Variants in LIMK2 observed in about 807,000 individuals in gnomAD.
LIMK2 encodes LIM domain kinase 2.
LIMK2 carries 35 observed loss-of-function variants against 75.7 expected under a neutral mutation model. The ratio of observed to expected loss-of-function variants is 0.46; its 90% CI spans 0.35 to 0.61. The LOEUF (loss-of-function observed/expected upper bound fraction) is 0.61, where lower values mean the gene tolerates loss of function less well. Among genes scored for constraint, LIMK2 ranks in the 20% least tolerant of loss-of-function variants. The probability of loss-of-function intolerance (pLI) is 0.00; values close to 1 mark genes in which losing one functional copy is unlikely to be tolerated. For missense variants in LIMK2, 623 were observed against 831.0 expected (o/e 0.75, Z 3.08); for synonymous variants, 301 against 319.2 (o/e 0.94, Z 0.61).
intron 1 of LIMK2, among the ~76,000 whole-genome samples, chr22:31,225,003 G>A (rs1388054375): frequency 6.6e-6 from 1 of 152,196 alleles, no homozygotes; most frequent in Non-Finnish European, 1.5e-5. Flanking sequence ...ATTCTCATAG[G>A]AGTGTGAACC....
At chr22:31,246,179 GCA>G (rs1341395963) in intron 2 of LIMK2, among the ~76,000 whole-genome samples, 2 of 69,774 alleles carry the variant, frequency 2.9e-5, no homozygotes, top group Non-Finnish European at 6.2e-5. Context: ...ACACACGCAC[GCA>G]CGCACACACA....
At chr22:31,241,205 T>C (rs868351700) in intron 2 of LIMK2, among the ~76,000 whole-genome samples, 59 of 152,260 alleles carry the variant, frequency 3.9e-4, no homozygotes, top group Admixed American at 1.4e-3. Flanking sequence ...CTGCTATTCC[T>C]TTAGTTACAC....
rs1402387787 is a variant in LIMK2 at position 31,216,012 on chromosome 22, A to G, written c.16+3588A>G. The stretch of plus-strand genomic sequence containing the variant: ...CCAAATCCCTTCCCTCATGTAGTGT[A>G]TGTTCTGGTGGGGAGAGATAGACAG... On this transcript the variant is annotated intron_variant, in intron 1 of 15. Coordinates refer to ENST00000331728, the MANE Select transcript of LIMK2 (RefSeq NM_005569.4). Among the ~76,000 whole-genome samples the G allele has an allele frequency of 2.6e-5, 4 of 152,150 alleles. No individual in the cohort carries two copies. In the East Asian group the frequency reaches 7.7e-4, roughly 29 times the overall value.
At chr22:31,259,292 T>A in intron 4 of LIMK2, 62 bp downstream of exon 4, 5 of 1,034,126 alleles carry the variant, frequency 4.8e-6, no homozygotes, top group Non-Finnish European at 1.5e-6. Context: ...GGAGGGACAG[T>A]GGCAGGGTGA....
chr22:31,269,010 T>C (rs1197474322), intron 11 of LIMK2, among the ~76,000 whole-genome samples: 1 of 151,966 alleles, frequency 6.6e-6, no homozygotes, highest in African/African-American at 2.4e-5. Flanking sequence ...AAAAGAGTTT[T>C]TTGGTTGACT....
At chr22:31,277,360 A>C (rs1601451926) in intron 15 of LIMK2, 4 of 1,344,782 alleles carry the variant, frequency 3.0e-6, no homozygotes, top group East Asian at 3.1e-5. Flanking sequence ...TTTTATATTG[A>C]CTCTGCGGCA....
At chr22:31,277,161 C>G in intron 15 of LIMK2, 1 of 1,613,258 alleles carries the variant, frequency 6.2e-7, no homozygotes, top group Non-Finnish European at 8.5e-7. Flanking sequence ...CCCAGGCGAA[C>G]GGTGGCTCCC....
chr22:31,270,465 T>A (rs1032178941), intron 11 of LIMK2, among the ~76,000 whole-genome samples: 1 of 151,870 alleles, frequency 6.6e-6, no homozygotes, highest in African/African-American at 2.4e-5. Flanking sequence ...GGGATGAAAG[T>A]AGTATTGCAG....
Position 31,225,824 on chromosome 22 carries a change from G to C in LIMK2, c.116+5G>C. On this transcript the variant is annotated splice_donor_5th_base_variant and intron_variant, in intron 2 of 15. Transcript: ENST00000331728. ...CTGGCACGGCTCTTGCTTCCGGTAG[G>C]TGGGCCTATCCTCCCATCTTTACCA... 6.2e-7 allele frequency: 1 copy of C among 1,608,548 alleles called. No individual in the cohort carries two copies. The highest frequency in any genetic ancestry group is 8.5e-7 in the Non-Finnish European group (1 of 1,175,352).
At chr22:31,247,865 G>A (rs572340917) in intron 2 of LIMK2, among the ~76,000 whole-genome samples, 1 of 152,264 alleles carries the variant, frequency 6.6e-6, no homozygotes, top group African/African-American at 2.4e-5. Context: ...AGTGGAAGTG[G>A]CACCTCCCAT....
intron 2 of LIMK2, among the ~76,000 whole-genome samples, chr22:31,257,780 C>T (rs907835086): frequency 6.6e-6 from 1 of 152,006 alleles, no homozygotes; most frequent in Non-Finnish European, 1.5e-5. Flanking sequence ...TTTTTTTATA[C>T]TTAACGTATT....
chr22:31,265,039 C>A (rs11705404), intron 7 of LIMK2, among the ~76,000 whole-genome samples: 1,649 of 151,808 alleles, frequency 0.011, 18 homozygotes, highest in Middle Eastern at 0.024. Flanking sequence ...TAAAAAAATA[C>A]AAAAATTATT....
At position 31,275,237 on chromosome 22, in the gene LIMK2, T is replaced by G. The variant is rs1404858356; in HGVS notation, c.1701T>G (p.Phe567Leu). The G allele has an allele frequency of 1.2e-6, 2 of 1,614,094 alleles. No individual in the cohort carries two copies. The highest frequency in any genetic ancestry group is 2.7e-5 in the African/African-American group (2 of 74,930). The change falls in exon 15 of 16, where the codon TTT becomes TTG. Residue 567 changes from phenylalanine to leucine, a missense_variant. By Grantham distance (22) the Phe-to-Leu change is conservative. Coordinates refer to ENST00000331728, the MANE Select transcript of LIMK2 (RefSeq NM_005569.4). Reference sequence around the variant, plus strand: ...ACGTGAAGCTTTTCTGGGAGAAGTTTGTTCCCACAGATTGTCCCCCGGCCT... The same window carrying G: ...ACGTGAAGCTTTTCTGGGAGAAGTTGGTTCCCACAGATTGTCCCCCGGCCT... ...GLNVKLFWEK[F>L]VPTDCPPAFF...
At chr22:31,263,652 C>A (rs1302279303) in intron 7 of LIMK2, among the ~76,000 whole-genome samples, 2 of 150,210 alleles carry the variant, frequency 1.3e-5, no homozygotes, top group Non-Finnish European at 3.0e-5. Flanking sequence ...CCAGCCTGAG[C>A]AACATAGTGA....
chr22:31,264,014 T>A (rs886748037), intron 7 of LIMK2, among the ~76,000 whole-genome samples: 13 of 152,180 alleles, frequency 8.5e-5, no homozygotes, highest in East Asian at 1.9e-4. Context: ...TGTTTTTTTT[T>A]ATCCACTCTC....
At chr22:31,227,143 C>A (rs1290067924) in intron 2 of LIMK2, among the ~76,000 whole-genome samples, 5 of 152,180 alleles carry the variant, frequency 3.3e-5, no homozygotes, top group Non-Finnish European at 7.3e-5. Context: ...GGGAACTTGT[C>A]TTTATATTCT....
At chr22:31,239,784 G>C (rs2048608685) in intron 2 of LIMK2, among the ~76,000 whole-genome samples, 1 of 152,094 alleles carries the variant, frequency 6.6e-6, no homozygotes, top group Non-Finnish European at 1.5e-5. Flanking sequence ...GAATGTAGTG[G>C]GTGCTCAGAG....
chr22:31,243,270 T>G (rs2048639221), intron 2 of LIMK2, among the ~76,000 whole-genome samples: 1 of 152,086 alleles, frequency 6.6e-6, no homozygotes, highest in African/African-American at 2.4e-5. Context: ...TAGAAAGTGA[T>G]TTGGAAGAGG....
Position 31,274,001 on chromosome 22 carries a change from G to GT in LIMK2, c.1614+513dup, listed in dbSNP as rs57281983. ...GGCGTGAGCTACCTCGCCCGGCCAG[G>GT]TTTTTTTTTTTTTTTTTTTAGTTGA... On this transcript the variant is annotated intron_variant, in intron 14 of 15. Transcript: ENST00000331728. Among the ~76,000 whole-genome samples, 1,364 of 139,544 alleles carry GT rather than the reference G, an allele frequency of 9.8e-3. 5 individuals are homozygous for GT. The highest frequency in any genetic ancestry group is 0.012 in the Non-Finnish European group (733 of 63,526). 91.5% of individuals were successfully genotyped at this position (139,544 alleles called of 152,430 possible). A position where few individuals can be genotyped will look rare whatever the true frequency, so the allele number is the denominator to read the frequency against.
Sources: allele counts gnomAD v4.1 joint callset (sites outside exome capture counted in the v4.1 genomes callset), GRCh38; gene constraint gnomAD v4.1.1; transcripts MANE v1.5; gene names NCBI Gene and HGNC (gene_info 2026-07-23, HGNC 2026-07-21).